Variants in PRCC observed in about 807,000 individuals in gnomAD.
The protein encoded by PRCC is proline-rich protein PRCC.
A neutral mutation model predicts 44.0 loss-of-function variants in PRCC; 10 were observed. That is an observed-to-expected ratio of 0.23 (90% CI 0.14 to 0.39). The LOEUF (loss-of-function observed/expected upper bound fraction) is 0.39, where lower values mean the gene tolerates loss of function less well. Among genes scored for constraint, PRCC ranks in the 10% least tolerant of loss-of-function variants. The pLI is 1.00. For missense variants in PRCC, 573 were observed against 624.7 expected, an observed-to-expected ratio of 0.92 and a Z score of 0.88; for synonymous variants, 278 against 259.5, an observed-to-expected ratio of 1.07 and a Z score of -0.69.
intron 6 of PRCC, among the ~76,000 whole-genome samples, chr1:156,798,457 G>C (rs757979240): frequency 1.3e-5 from 2 of 152,074 alleles, no homozygotes; most frequent in Non-Finnish European, 2.9e-5. Context: ...CCCAGTCTAC[G>C]GAACGTACCA....
chr1:156,780,858 G>C (rs1652026234), intron 1 of PRCC, among the ~76,000 whole-genome samples: 1 of 152,028 alleles, frequency 6.6e-6, no homozygotes, highest in Non-Finnish European at 1.5e-5. Flanking sequence ...CTCCCGAGTA[G>C]CTGGGGATTA....
intron 2 of PRCC, among the ~76,000 whole-genome samples, chr1:156,784,738 C>CT (rs1398973802): frequency 3.3e-5 from 5 of 152,214 alleles, no homozygotes; most frequent in Admixed American, 3.3e-4. Context: ...CACTAGTACT[C>CT]TAAGACAGTG....
chr1:156,789,963 C>T (rs896227259), intron 3 of PRCC, among the ~76,000 whole-genome samples: 1 of 152,190 alleles, frequency 6.6e-6, no homozygotes, highest in African/African-American at 2.4e-5. Flanking sequence ...GAATTCCTAG[C>T]AGTCAGAGCT....
chr1:156,795,125 G>A (rs56003102), intron 5 of PRCC, among the ~76,000 whole-genome samples: 54,840 of 151,818 alleles, frequency 0.36, 10,905 homozygotes, highest in East Asian at 0.73. Context: ...TACTCTTGCC[G>A]TACAGTCAGA....
chr1:156,782,066 G>A (rs1041236231), intron 1 of PRCC, among the ~76,000 whole-genome samples: 9 of 152,200 alleles, frequency 5.9e-5, no homozygotes, highest in South Asian at 2.1e-4. Flanking sequence ...GAGTAATCAA[G>A]GGAGGCCAAG....
intron 4 of PRCC, 71 bp downstream of exon 4, chr1:156,791,863 A>G (rs1271932985): frequency 7.1e-7 from 1 of 1,415,708 alleles, no homozygotes; most frequent in East Asian, 2.3e-5. Context: ...AGCCAAAGGA[A>G]ATTAAAAAAA....
In PRCC at chr1:156,786,877, G is replaced by C; in HGVS notation, c.786G>C (p.Gln262His). The C allele has an allele frequency of 6.2e-7, 1 of 1,614,194 alleles. No individual in the cohort carries two copies. ...AALQVTKQIT[Q>H]EEDDSDEEVA... Reference sequence around the variant, plus strand: ...TGCAGGTGACAAAGCAGATCACGCAGGAAGAAGACGACAGTGATGAGGAAG... The same window carrying C: ...TGCAGGTGACAAAGCAGATCACGCACGAAGAAGACGACAGTGATGAGGAAG... Residue 262 changes from glutamine (Q) to histidine (H), a missense_variant, in exon 3 of 7, where the codon CAG (glutamine) becomes CAC (histidine). Physicochemically the swap from Gln to His is conservative, Grantham distance 24 (BLOSUM62 0). Coordinates refer to ENST00000271526, the MANE Select transcript of PRCC (RefSeq NM_005973.5).
chr1:156,774,156 C>CTT (rs1571573309), intron 1 of PRCC, among the ~76,000 whole-genome samples: 1 of 56,030 alleles, frequency 1.8e-5, no homozygotes, highest in Non-Finnish European at 3.7e-5. Context: ...TTTTGAGTCA[C>CTT]CTTTTTTTTT....
At chr1:156,769,083 G>C (rs1651528142) in intron 1 of PRCC, among the ~76,000 whole-genome samples, 1 of 152,236 alleles carries the variant, frequency 6.6e-6, no homozygotes, top group Non-Finnish European at 1.5e-5. Flanking sequence ...ATAAAGGAGA[G>C]ATTAAGCCTT....
chr1:156,780,784 A>T lies in PRCC; in HGVS notation c.469-1498A>T, dbSNP rs1652023946. Among the ~76,000 whole-genome samples, 9 of 151,510 alleles carry T rather than the reference A, an allele frequency of 5.9e-5. No individual in the cohort carries two copies. In the South Asian group the frequency reaches 1.9e-3, roughly 32 times the overall value. On this transcript the variant is annotated intron_variant, in intron 1 of 6. Transcript: ENST00000271526. ...AGTCTTGCTCTGTCACCCAGACTGGATTGCAAGATCTTGGCTCACTGCAAC... is the reference window on the plus strand; with the variant it reads ...AGTCTTGCTCTGTCACCCAGACTGGTTTGCAAGATCTTGGCTCACTGCAAC...
At chr1:156,797,432 TATCTTTTAGCAGCCC>T in intron 6 of PRCC, 91 bp downstream of exon 6, 3 of 1,478,460 alleles carry the variant, frequency 2.0e-6, no homozygotes, top group Non-Finnish European at 1.9e-6. Context: ...CCCAGATGCT[TATCTTTTAGCAGCCC>T]ATCTTTTAGC....
Position 156,800,510 on chromosome 1 carries a change from G to A in PRCC, c.*50G>A. The A allele has an allele frequency of 6.3e-7, 1 of 1,596,116 alleles. No individual in the cohort carries two copies. Among genetic ancestry groups the A allele is most frequent in the Non-Finnish European group, 8.6e-7 (1 of 1,164,282 alleles). On this transcript the variant is annotated 3_prime_UTR_variant, in exon 7 of 7. Transcript: ENST00000271526. ...GATCTCCTGCCAGCCCAGCTGGCCT[G>A]GCCCCCAGCTTCACCTCTGGGACCC...
intron 4 of PRCC, among the ~76,000 whole-genome samples, chr1:156,793,713 G>T (rs1169924737): frequency 6.6e-6 from 1 of 152,024 alleles, no homozygotes; most frequent in Non-Finnish European, 1.5e-5. Context: ...TTTTCTGGGG[G>T]CTTGGAATTT....
At chr1:156,789,034 A>G (rs1055019330) in intron 3 of PRCC, among the ~76,000 whole-genome samples, 1 of 151,886 alleles carries the variant, frequency 6.6e-6, no homozygotes, top group Non-Finnish European at 1.5e-5. Context: ...CAGTGGTGCA[A>G]TCCCGGCTCA....
At chr1:156,798,057 C>T (rs573351899) in intron 6 of PRCC, among the ~76,000 whole-genome samples, 5 of 151,628 alleles carry the variant, frequency 3.3e-5, no homozygotes, top group Non-Finnish European at 7.4e-5. Flanking sequence ...GATCCTCCTA[C>T]CTCAGTCTCC....
intron 3 of PRCC, chr1:156,791,057 C>T (rs1240709774): frequency 1.4e-6 from 2 of 1,384,658 alleles, no homozygotes; most frequent in South Asian, 1.1e-5. Context: ...TCACCCTCCT[C>T]TTCCTCTAGG....
chr1:156,794,576 C>T, intron 4 of PRCC, 89 bp from the exon 5 acceptor site: 1 of 1,504,956 alleles, frequency 6.6e-7, no homozygotes, highest in South Asian at 1.2e-5. Flanking sequence ...TGGTGAGTCA[C>T]AAAATCATTC....
intron 1 of PRCC, among the ~76,000 whole-genome samples, chr1:156,779,129 T>TATATATATATATATATATATATA (rs1491456608): frequency 3.7e-4 from 6 of 16,368 alleles, no homozygotes; most frequent in East Asian, 2.5e-3. Flanking sequence ...TATATATATA[T>TATATATATATATATATATATATA]TTTTTTTTTT....
At chr1:156,775,603 C>T (rs944107153) in intron 1 of PRCC, among the ~76,000 whole-genome samples, 4 of 151,560 alleles carry the variant, frequency 2.6e-5, no homozygotes, top group Non-Finnish European at 5.9e-5. Context: ...CGCCGCCTCC[C>T]GGGTTCAAGT....
Sources: allele counts gnomAD v4.1 joint callset (sites outside exome capture counted in the v4.1 genomes callset), GRCh38; gene constraint gnomAD v4.1.1; transcripts MANE v1.5; gene names NCBI Gene and HGNC (gene_info 2026-07-23, HGNC 2026-07-21).